Variants in ADGRL3 observed in about 807,000 individuals in gnomAD.
ADGRL3 encodes adhesion G protein-coupled receptor L3, also known as calcium-independent alpha-latrotoxin receptor 3.
ADGRL3 carries 62 observed loss-of-function variants against 153.5 expected under a neutral mutation model. That is an observed-to-expected ratio of 0.40 (90% CI 0.33 to 0.50). ADGRL3 has a LOEUF of 0.50. Among genes scored for constraint, ADGRL3 ranks in the 20% least tolerant of loss-of-function variants. ADGRL3 has a pLI of 0.47. For synonymous variants in ADGRL3, 710 were observed against 672.5 expected (o/e 1.06, Z -0.86); for missense variants, 1,641 against 1,859.4 (o/e 0.88, Z 2.16).
intron 1 of ADGRL3, among the ~76,000 whole-genome samples, chr4:61,293,589 T>C (rs1279433195): frequency 6.6e-6 from 1 of 152,180 alleles, no homozygotes; most frequent in African/African-American, 2.4e-5. Context: ...TGCCTACTTA[T>C]GTGTTCCATG....
intron 2 of ADGRL3, among the ~76,000 whole-genome samples, chr4:61,486,127 G>A (rs900171449): frequency 7.2e-5 from 11 of 151,940 alleles, no homozygotes; most frequent in Non-Finnish European, 1.6e-4. Flanking sequence ...TGAATTTTTA[G>A]TAGAGACGGA....
Position 61,432,560 on chromosome 4 carries a change from T to TTTTCTTTCTTTCTTTC in ADGRL3, c.-174+49380_-174+49381insTTCTTTCTTTCTTTCT, listed in dbSNP as rs1335527774. On this transcript the variant is annotated intron_variant, in intron 2 of 26. Coordinates refer to ENST00000683033, the MANE Select transcript of ADGRL3 (RefSeq NM_001387552.1). Reference sequence around the variant, plus strand: ...AAAACCAATAGCCTTTATAGATTTCTTTTCTTTCTCTTCCTTTCTTTCTTT... The same window carrying TTTTCTTTCTTTCTTTC: ...AAAACCAATAGCCTTTATAGATTTCTTTTCTTTCTTTCTTTCTTTCTTTCTCTTCCTTTCTTTCTTT... Among the ~76,000 whole-genome samples, 102 of 33,426 alleles carry TTTTCTTTCTTTCTTTC rather than the reference T, an allele frequency of 3.1e-3. 5 individuals are homozygous for TTTTCTTTCTTTCTTTC. Among genetic ancestry groups the TTTTCTTTCTTTCTTTC allele is most frequent in the Middle Eastern group, 0.045 (1 of 22 alleles). 21.9% of individuals were successfully genotyped at this position (33,426 alleles called of 152,430 possible).
chr4:61,747,816 C>A (rs1171339073), intron 8 of ADGRL3, among the ~76,000 whole-genome samples: 2 of 151,622 alleles, frequency 1.3e-5, no homozygotes, highest in Non-Finnish European at 2.9e-5. Context: ...GATGCCCTCT[C>A]TCACCACTCC....
At chr4:61,913,078 G>A (rs2098729373) in intron 13 of ADGRL3, among the ~76,000 whole-genome samples, 1 of 151,754 alleles carries the variant, frequency 6.6e-6, no homozygotes, top group Admixed American at 6.6e-5. Context: ...TTTTTCATTG[G>A]GTCAGCCAAT....
At chr4:61,825,356 C>T (rs373809900) in intron 9 of ADGRL3, among the ~76,000 whole-genome samples, 1 of 151,902 alleles carries the variant, frequency 6.6e-6, no homozygotes, top group African/African-American at 2.4e-5. Flanking sequence ...TGCTTTATAA[C>T]CTAAAGAATG....
intron 1 of ADGRL3, among the ~76,000 whole-genome samples, chr4:61,370,407 C>T (rs2096496684): frequency 6.6e-6 from 1 of 151,540 alleles, no homozygotes; most frequent in Admixed American, 6.6e-5. Context: ...TTGAATGTGT[C>T]CCAGAGATTC....
intron 1 of ADGRL3, among the ~76,000 whole-genome samples, chr4:61,226,541 G>A (rs1265764821): frequency 2.0e-5 from 3 of 152,148 alleles, no homozygotes; most frequent in African/African-American, 7.2e-5. Flanking sequence ...TAGTGGAAGA[G>A]AGTTCATTTT....
intron 9 of ADGRL3, among the ~76,000 whole-genome samples, chr4:61,881,592 G>T (rs985052828): frequency 1.3e-5 from 2 of 152,162 alleles, no homozygotes; most frequent in African/African-American, 2.4e-5. Flanking sequence ...TGGCCAGGCT[G>T]GTCTCGAACT....
intron 1 of ADGRL3, among the ~76,000 whole-genome samples, chr4:61,303,481 A>T (rs2150378737): frequency 6.6e-6 from 1 of 152,256 alleles, no homozygotes; most frequent in East Asian, 1.9e-4. Flanking sequence ...CTTCACTAAC[A>T]AAAGTAATAT....
intron 8 of ADGRL3, among the ~76,000 whole-genome samples, chr4:61,801,329 G>T (rs181685760): frequency 6.6e-6 from 1 of 152,056 alleles, no homozygotes; most frequent in African/African-American, 2.4e-5. Flanking sequence ...GAACATCAAG[G>T]CTATTTGAGC....
In ADGRL3 at chr4:61,577,821, A is replaced by G. The variant is rs985324455; in HGVS notation, c.260-9406A>G. ...GAGTGGGAGCTTGTCTCTTAAAAAA[A>G]AAGAAAAAAAAAGGGTAATGACCAA... On this transcript the variant is annotated intron_variant, in intron 4 of 26. Transcript: ENST00000683033. 2.8e-5 allele frequency among the ~76,000 whole-genome samples: 4 copies of G among 144,572 alleles called. 1 individual carries two copies. Among genetic ancestry groups the G allele is most frequent in the South Asian group, 4.3e-4 (2 of 4,692 alleles). The allele number at this position is 144,572 out of a possible 152,430, so 94.8% of individuals were successfully genotyped here. A position where few individuals can be genotyped will look rare whatever the true frequency, so the allele number is the denominator to read the frequency against.
chr4:61,902,154 G>A (rs1170535289), intron 11 of ADGRL3, among the ~76,000 whole-genome samples: 1 of 152,122 alleles, frequency 6.6e-6, no homozygotes. Context: ...AGAGGATGTG[G>A]GCCATTACAG....
Position 61,202,298 on chromosome 4 carries a change from C to T in ADGRL3, c.-240+533C>T, listed in dbSNP as rs1242277953. ...CGAGCCCGGCGCGATTCTCCCTCAA[C>T]GCTTGCCTGGAGCATCCCTGGCCCC... On this transcript the variant is annotated intron_variant, in intron 1 of 26. Coordinates refer to ENST00000683033, the MANE Select transcript of ADGRL3 (RefSeq NM_001387552.1). The surrounding 1 kb of genome is among the most constrained non-coding windows in gnomAD (Gnocchi z 5.0). 1 of 152,518 alleles carries T rather than the reference C, an allele frequency of 6.6e-6. No individual in the cohort carries two copies. Among genetic ancestry groups the T allele is most frequent in the African/African-American group, 2.4e-5 (1 of 41,458 alleles). 9.4% of individuals were successfully genotyped at this position (152,518 alleles called of 1,614,324 possible). A position where few individuals can be genotyped will look rare whatever the true frequency, so the allele number is the denominator to read the frequency against.
intron 5 of ADGRL3, among the ~76,000 whole-genome samples, chr4:61,644,341 G>A (rs2093849837): frequency 6.6e-6 from 1 of 150,844 alleles, no homozygotes; most frequent in Admixed American, 6.6e-5. Flanking sequence ...GCTTTTGAAT[G>A]TGTTTGCTCT....
intron 25 of ADGRL3, among the ~76,000 whole-genome samples, chr4:62,060,643 C>T (rs28410056): frequency 0.028 from 4,189 of 151,846 alleles, 209 homozygotes; most frequent in African/African-American, 0.097. Context: ...TTTTCTAATA[C>T]GCTATGCAGA....
At chr4:61,875,855 C>G (rs2098471912) in intron 9 of ADGRL3, among the ~76,000 whole-genome samples, 1 of 152,134 alleles carries the variant, frequency 6.6e-6, no homozygotes, top group Non-Finnish European at 1.5e-5. Flanking sequence ...GTGTACTTTG[C>G]ACTTTTTTAG....
chr4:61,634,567 T>C (rs775341845), intron 5 of ADGRL3, among the ~76,000 whole-genome samples: 8 of 151,956 alleles, frequency 5.3e-5, no homozygotes, highest in Non-Finnish European at 8.8e-5. Context: ...AACTTCAAAC[T>C]ATATGCAAGC....
chr4:62,034,879 T>G (rs578050191), intron 23 of ADGRL3, among the ~76,000 whole-genome samples: 14 of 151,972 alleles, frequency 9.2e-5, no homozygotes, highest in African/African-American at 3.4e-4. Context: ...TCCACAATCA[T>G]TTTATTTCTG....
chr4:61,895,797 A>C lies in ADGRL3; in HGVS notation c.1850A>C (p.Asn617Thr). Residue 617 changes from asparagine (N) to threonine (T), a missense_variant, in exon 11 of 27, where the codon AAC becomes ACC. Physicochemically the swap from Asn to Thr is moderately conservative, Grantham distance 65. Around this residue, in one of 5 missense-constraint regions of ADGRL3, gnomAD observed 734 missense variants for 797.0 expected, o/e 0.92. Transcript: ENST00000683033. ...GATCCCCAAGGTCCAGATCTCAGCA[A>C]CTGTTCTTCTCCTTGGGTCAATCAT... ...IWDPQGPDLS[N>T]CSSPWVNHIT... 6.3e-7 allele frequency: 1 copy of C among 1,599,046 alleles called. No individual in the cohort carries two copies. The highest frequency in any genetic ancestry group is 8.5e-7 in the Non-Finnish European group (1 of 1,171,982).
Sources: allele counts gnomAD v4.1 joint callset (sites outside exome capture counted in the v4.1 genomes callset), GRCh38; gene constraint gnomAD v4.1.1; regional missense constraint gnomAD v4.1.1; non-coding constraint Gnocchi (gnomAD v3.1); transcripts MANE v1.5; gene names NCBI Gene and HGNC (gene_info 2026-07-23, HGNC 2026-07-21).